The following NEGR1 variants were observed in gnomAD, a reference collection of about 807,000 sequenced individuals.
NEGR1 encodes neuronal growth regulator 1.
NEGR1 carries 10 observed loss-of-function variants against 40.9 expected under a neutral mutation model. The ratio of observed to expected loss-of-function variants is 0.24; its 90% CI spans 0.15 to 0.42. The LOEUF (loss-of-function observed/expected upper bound fraction) is 0.42. Among genes scored for constraint, NEGR1 ranks in the 10% least tolerant of loss-of-function variants. The pLI is 1.00. For synonymous variants in NEGR1, 185 were observed against 166.8 expected, an observed-to-expected ratio of 1.11 and a Z score of -0.84; for missense variants, 352 against 438.9, an observed-to-expected ratio of 0.80 and a Z score of 1.77.
intron 6 of NEGR1, among the ~76,000 whole-genome samples, chr1:71,478,748 C>A (rs1385630138): frequency 6.6e-6 from 1 of 151,908 alleles, no homozygotes; most frequent in Non-Finnish European, 1.5e-5. Flanking sequence ...GGTACTGTGC[C>A]AGAATGGGAG....
At chr1:71,472,135 G>A (rs554466609) in intron 6 of NEGR1, among the ~76,000 whole-genome samples, 1 of 152,178 alleles carries the variant, frequency 6.6e-6, no homozygotes, top group East Asian at 1.9e-4. Context: ...TGATCTCTAC[G>A]ATCTCTTTGA....
chr1:72,118,291 C>T (rs1388456677), intron 1 of NEGR1, among the ~76,000 whole-genome samples: 2 of 151,874 alleles, frequency 1.3e-5, no homozygotes, highest in African/African-American at 4.8e-5. Flanking sequence ...AGCTGTAGCA[C>T]ATCTGGAAGA....
intron 4 of NEGR1, among the ~76,000 whole-genome samples, chr1:71,672,837 G>C (rs886558762): frequency 6.6e-6 from 1 of 152,166 alleles, no homozygotes; most frequent in Non-Finnish European, 1.5e-5. Flanking sequence ...GCTAGGATGA[G>C]AGTATGTTAA....
intron 2 of NEGR1, among the ~76,000 whole-genome samples, chr1:71,933,095 A>G (rs1645870611): frequency 6.6e-6 from 1 of 152,056 alleles, no homozygotes; most frequent in East Asian, 1.9e-4. Flanking sequence ...CTTTTTCTAG[A>G]GGAATAAAAT....
intron 3 of NEGR1, among the ~76,000 whole-genome samples, chr1:71,753,810 T>G (rs1040485223): frequency 5.3e-5 from 8 of 152,280 alleles, no homozygotes; most frequent in Middle Eastern, 3.4e-3. Flanking sequence ...AGAATGGTGA[T>G]GGGAGCAGTT....
At chr1:71,991,911 C>T (rs961782390) in intron 1 of NEGR1, among the ~76,000 whole-genome samples, 4 of 152,150 alleles carry the variant, frequency 2.6e-5, no homozygotes, top group African/African-American at 4.8e-5. Flanking sequence ...CCTGCCTCAG[C>T]CTCCCGAATA....
intron 1 of NEGR1, among the ~76,000 whole-genome samples, chr1:71,941,031 A>C (rs974014421): frequency 6.6e-6 from 1 of 152,192 alleles, no homozygotes; most frequent in African/African-American, 2.4e-5. Flanking sequence ...ACCAATTAAT[A>C]AAAAATAAAA....
At chr1:71,713,400 C>G (rs1654172130) in intron 3 of NEGR1, among the ~76,000 whole-genome samples, 1 of 151,944 alleles carries the variant, frequency 6.6e-6, no homozygotes, top group Non-Finnish European at 1.5e-5. Flanking sequence ...CCTTTTTGTT[C>G]TAGGCCACTA....
intron 6 of NEGR1, among the ~76,000 whole-genome samples, chr1:71,485,354 T>C (rs1312953319): frequency 1.3e-5 from 2 of 151,466 alleles, no homozygotes; most frequent in African/African-American, 4.8e-5. Context: ...TACCCCCTTA[T>C]CCCCTATGCA....
At chr1:72,127,056 T>G (rs754092513) in intron 1 of NEGR1, among the ~76,000 whole-genome samples, 2 of 152,112 alleles carry the variant, frequency 1.3e-5, no homozygotes, top group Non-Finnish European at 2.9e-5. Context: ...CAAAAGCTGT[T>G]CCAAGATATG....
At chr1:71,691,835 C>A (rs966231457) in intron 4 of NEGR1, among the ~76,000 whole-genome samples, 1 of 151,202 alleles carries the variant, frequency 6.6e-6, no homozygotes, top group Non-Finnish European at 1.5e-5. Context: ...TGAAGCTAAG[C>A]AAATGATGTT....
intron 1 of NEGR1, among the ~76,000 whole-genome samples, chr1:72,233,236 G>A (rs989979453): frequency 2.0e-5 from 3 of 152,130 alleles, no homozygotes; most frequent in Non-Finnish European, 4.4e-5. Flanking sequence ...TGAGTAGGGA[G>A]TAGCAATCCA....
At chr1:72,062,444 A>G (rs1277630131) in intron 1 of NEGR1, among the ~76,000 whole-genome samples, 2 of 151,924 alleles carry the variant, frequency 1.3e-5, no homozygotes, top group South Asian at 2.1e-4. Flanking sequence ...ATTTATATCT[A>G]TCTCTCTTTG....
At chr1:71,442,884 T>C (rs1175959448) in intron 6 of NEGR1, among the ~76,000 whole-genome samples, 1 of 152,176 alleles carries the variant, frequency 6.6e-6, no homozygotes, top group Non-Finnish European at 1.5e-5. Context: ...CCCAAATGTT[T>C]AAGGGTCTGA....
At chr1:72,254,189 T>C (rs1008996542) in intron 1 of NEGR1, among the ~76,000 whole-genome samples, 5 of 152,218 alleles carry the variant, frequency 3.3e-5, no homozygotes, top group Non-Finnish European at 7.3e-5. Flanking sequence ...AATGTGCTTA[T>C]TATGTAGTAC....
At position 71,898,981 on chromosome 1, in the gene NEGR1, CATATATATATAT is replaced by C. The variant is rs55674579; in HGVS notation, c.409+36086_409+36097del. On this transcript the variant is annotated intron_variant, in intron 2 of 6. Transcript: ENST00000357731. Reference sequence around the variant, plus strand: ...ATATATAGCATATATATATATATAGCATATATATATATATATATATATATATATATATATGGC... The same window carrying C: ...ATATATAGCATATATATATATATAGCATATATATATATATATATATATGGC... Among the ~76,000 whole-genome samples, 16 of 51,300 alleles carry C rather than the reference CATATATATATAT, an allele frequency of 3.1e-4. 1 individual carries two copies. Among genetic ancestry groups the C allele is most frequent in the African/African-American group, 1.3e-3 (13 of 9,940 alleles). The allele number at this position is 51,300 out of a possible 152,430, so 33.7% of individuals were successfully genotyped here.
intron 3 of NEGR1, among the ~76,000 whole-genome samples, chr1:71,735,318 G>A (rs1274054554): frequency 6.6e-6 from 1 of 151,956 alleles, no homozygotes; most frequent in South Asian, 2.1e-4. Context: ...TCTTATTTAT[G>A]GTTATTTTTA....
chr1:71,585,958 T>C (rs1187295603), intron 6 of NEGR1, among the ~76,000 whole-genome samples: 2 of 152,122 alleles, frequency 1.3e-5, no homozygotes, highest in Admixed American at 6.6e-5. Flanking sequence ...CAGCATTTAA[T>C]AGGCACTTGT....
intron 1 of NEGR1, among the ~76,000 whole-genome samples, chr1:72,072,781 G>A (rs917034687): frequency 6.6e-6 from 1 of 152,040 alleles, no homozygotes; most frequent in South Asian, 2.1e-4. Flanking sequence ...CTCCCTTTGT[G>A]TTGCTAATAG....
Sources: allele counts gnomAD v4.1 joint callset (sites outside exome capture counted in the v4.1 genomes callset), GRCh38; gene constraint gnomAD v4.1.1; transcripts MANE v1.5; gene names NCBI Gene and HGNC (gene_info 2026-07-23, HGNC 2026-07-21).